Variants in CTNNA2 observed in about 807,000 individuals in gnomAD.
CTNNA2 encodes catenin alpha-2.
In CTNNA2, 42 loss-of-function variants were observed where a neutral mutation model predicts 101.0. The ratio of observed to expected loss-of-function variants is 0.42; its 90% CI spans 0.32 to 0.54. The LOEUF (loss-of-function observed/expected upper bound fraction) is 0.54. Ranked by LOEUF, CTNNA2 falls within the 20% of genes least tolerant of loss-of-function variation. The pLI, the probability that CTNNA2 is intolerant of heterozygous loss-of-function variation, is 0.14. For synonymous variants in CTNNA2, 450 were observed against 456.4 expected (o/e 0.99, Z 0.18); for missense variants, 871 against 1,223.1 (o/e 0.71, Z 4.29).
intron 17 of CTNNA2, among the ~76,000 whole-genome samples, chr2:80,617,895 A>G (rs1229274985): frequency 6.6e-6 from 1 of 151,860 alleles, no homozygotes; most frequent in African/African-American, 2.4e-5. Flanking sequence ...TTATGATGCC[A>G]TAATTTGCAA....
At chr2:79,991,747 T>C (rs1692195921) in intron 7 of CTNNA2, among the ~76,000 whole-genome samples, 3 of 152,150 alleles carry the variant, frequency 2.0e-5, no homozygotes, top group Admixed American at 1.3e-4. Flanking sequence ...TACTTATTCA[T>C]CCACTTTGGC....
At chr2:79,420,854 A>C (rs1324835589) in intron 4 of CTNNA2, among the ~76,000 whole-genome samples, 1 of 152,208 alleles carries the variant, frequency 6.6e-6, no homozygotes, top group Non-Finnish European at 1.5e-5. Context: ...GAACCCAAGG[A>C]ATGTGATACA....
intron 2 of CTNNA2, among the ~76,000 whole-genome samples, chr2:79,237,335 A>G (rs1674569806): frequency 6.6e-6 from 1 of 152,204 alleles, no homozygotes; most frequent in Non-Finnish European, 1.5e-5. Flanking sequence ...TATTTAGTAA[A>G]CCATGTTGCA....
chr2:79,208,040 A>G (rs1225438588), intron 2 of CTNNA2, among the ~76,000 whole-genome samples: 3 of 152,134 alleles, frequency 2.0e-5, no homozygotes, highest in Non-Finnish European at 2.9e-5. Context: ...CTGCCCTCAC[A>G]TATTTCAAGA....
intron 7 of CTNNA2, among the ~76,000 whole-genome samples, chr2:80,387,076 C>T (rs148452164): frequency 0.011 from 1,688 of 152,146 alleles, 32 homozygotes; most frequent in African/African-American, 0.038. Flanking sequence ...ATCACGAGGT[C>T]AGGAGATCAA....
At chr2:80,275,541 GGTA>G (rs1409282224) in intron 7 of CTNNA2, among the ~76,000 whole-genome samples, 2 of 152,042 alleles carry the variant, frequency 1.3e-5, no homozygotes, top group African/African-American at 4.8e-5. Context: ...GAATCCTTCT[GGTA>G]GTCACTAAAA....
At chr2:80,037,617 G>A (rs1695754877) in intron 7 of CTNNA2, among the ~76,000 whole-genome samples, 1 of 152,282 alleles carries the variant, frequency 6.6e-6, no homozygotes, top group South Asian at 2.1e-4. Flanking sequence ...AGAGCATCAT[G>A]ACTTTATGGG....
Position 80,264,714 on chromosome 2 carries a change from TGAA to T in CTNNA2, c.1057-128493_1057-128491del, listed in dbSNP as rs761336170. Reference sequence around the variant, plus strand: ...AGGAGATAACATTTCAACTATGACTTGAAGAATATGTGTCATACAAGTAGAAAC... The same window carrying T: ...AGGAGATAACATTTCAACTATGACTTGAATATGTGTCATACAAGTAGAAAC... On this transcript the variant is annotated intron_variant, in intron 7 of 18. Coordinates refer to ENST00000402739, the MANE Select transcript of CTNNA2 (RefSeq NM_001282597.3). 8.9e-4 allele frequency among the ~76,000 whole-genome samples: 136 copies of T among 152,240 alleles called. 1 individual carries two copies. The highest frequency in any genetic ancestry group is 3.0e-3 in the Admixed American group (46 of 15,288).
intron 9 of CTNNA2, among the ~76,000 whole-genome samples, chr2:80,453,388 A>G (rs1266422098): frequency 6.6e-6 from 1 of 151,762 alleles, no homozygotes; most frequent in East Asian, 1.9e-4. Context: ...AGAACAGCAC[A>G]TCTGTTTGTG....
chr2:80,643,887 C>T (rs189789260), intron 18 of CTNNA2, among the ~76,000 whole-genome samples: 23 of 152,228 alleles, frequency 1.5e-4, no homozygotes, highest in African/African-American at 5.1e-4. Context: ...CTATAGTCAG[C>T]AAGGATTTGG....
At chr2:80,347,460 A>G (rs1050814702) in intron 7 of CTNNA2, among the ~76,000 whole-genome samples, 1 of 152,170 alleles carries the variant, frequency 6.6e-6, no homozygotes, top group African/African-American at 2.4e-5. Flanking sequence ...CACGAATGTC[A>G]TCACCAGGGG....
chr2:80,228,080 A>T (rs1708990316), intron 7 of CTNNA2, among the ~76,000 whole-genome samples: 1 of 152,196 alleles, frequency 6.6e-6, no homozygotes, highest in African/African-American at 2.4e-5. Context: ...TTCTGTATCA[A>T]GACCAAACTT....
At chr2:79,347,547 A>G (rs1677288698) in intron 3 of CTNNA2, among the ~76,000 whole-genome samples, 1 of 152,112 alleles carries the variant, frequency 6.6e-6, no homozygotes, top group East Asian at 1.9e-4. Context: ...CCAAATCTGT[A>G]ATGCATTTAA....
At chr2:80,033,044 A>C (rs993510918) in intron 7 of CTNNA2, among the ~76,000 whole-genome samples, 92 of 150,506 alleles carry the variant, frequency 6.1e-4, no homozygotes, top group African/African-American at 2.1e-3. Flanking sequence ...CCAGATACTC[A>C]GGAGGCTGTG....
At chr2:80,370,968 GTATGATTGAGCAAAAACGA>G (rs1299882887) in intron 7 of CTNNA2, among the ~76,000 whole-genome samples, 2 of 152,170 alleles carry the variant, frequency 1.3e-5, no homozygotes, top group African/African-American at 2.4e-5. Context: ...TTGTAGAGAA[GTATGATTGAGCAAAAACGA>G]TATGATCTAA....
At chr2:79,303,242 C>T (rs1006951476) in intron 2 of CTNNA2, among the ~76,000 whole-genome samples, 3 of 152,170 alleles carry the variant, frequency 2.0e-5, no homozygotes, top group Non-Finnish European at 2.9e-5. Flanking sequence ...CCAGGATCCA[C>T]GTCCTGAAGT....
intron 7 of CTNNA2, among the ~76,000 whole-genome samples, chr2:80,232,008 C>A (rs891042692): frequency 6.6e-6 from 1 of 152,168 alleles, no homozygotes; most frequent in African/African-American, 2.4e-5. Flanking sequence ...GCCAGACAGT[C>A]ATTTCTATCA....
intron 7 of CTNNA2, among the ~76,000 whole-genome samples, chr2:80,120,797 T>C (rs1416720902): frequency 6.6e-6 from 1 of 152,172 alleles, no homozygotes; most frequent in Non-Finnish European, 1.5e-5. Context: ...CTCATCTATT[T>C]AATCTGATTG....
intron 7 of CTNNA2, among the ~76,000 whole-genome samples, chr2:80,367,512 A>T (rs1329666147): frequency 1.3e-5 from 2 of 151,966 alleles, no homozygotes; most frequent in East Asian, 3.9e-4. Flanking sequence ...TAAAACTTTT[A>T]TTTGTTTTAT....
Sources: allele counts gnomAD v4.1 joint callset (sites outside exome capture counted in the v4.1 genomes callset), GRCh38; gene constraint gnomAD v4.1.1; transcripts MANE v1.5; gene names NCBI Gene and HGNC (gene_info 2026-07-23, HGNC 2026-07-21).